The following RAP1GAP2 variants were observed in gnomAD, a reference collection of about 807,000 sequenced individuals.
RAP1GAP2 encodes the protein RAP1 GTPase activating protein 2, also known as rap1 GTPase-activating protein 2.
A neutral mutation model predicts 95.0 loss-of-function variants in RAP1GAP2; 27 were observed. That is an observed-to-expected ratio of 0.28 (90% CI 0.21 to 0.39). The LOEUF (loss-of-function observed/expected upper bound fraction) is 0.39. RAP1GAP2 is among the 10% of genes least tolerant of loss of function. The pLI, the probability that RAP1GAP2 is intolerant of heterozygous loss-of-function variation, is 1.00. For synonymous variants in RAP1GAP2, 373 were observed against 380.9 expected, an observed-to-expected ratio of 0.98 and a Z score of 0.24; for missense variants, 771 against 970.0, an observed-to-expected ratio of 0.79 and a Z score of 2.72.
intron 18 of RAP1GAP2, among the ~76,000 whole-genome samples, chr17:3,018,472 ACCTCCT>A (rs1302779459): frequency 6.6e-6 from 1 of 151,370 alleles, no homozygotes; most frequent in Admixed American, 6.6e-5. Flanking sequence ...TGACAGCTAG[ACCTCCT>A]CCTCGGGGCC....
chr17:2,831,146 C>G (rs1233513068), intron 2 of RAP1GAP2, among the ~76,000 whole-genome samples: 1 of 129,068 alleles, frequency 7.7e-6, no homozygotes, highest in African/African-American at 3.0e-5. Context: ...GGTGTGATCT[C>G]GGCTCACTGC....
chr17:2,923,613 C>T (rs1452620272), intron 3 of RAP1GAP2, among the ~76,000 whole-genome samples: 3 of 152,070 alleles, frequency 2.0e-5, no homozygotes, highest in Non-Finnish European at 4.4e-5. Flanking sequence ...GGATTACAGG[C>T]CTGAGCCAAT....
intron 2 of RAP1GAP2, among the ~76,000 whole-genome samples, chr17:2,889,889 A>ATATATTTTTTTTTT (rs1408426152): frequency 5.1e-4 from 29 of 57,292 alleles, no homozygotes; most frequent in Non-Finnish European, 7.4e-4. Flanking sequence ...ATATATATAT[A>ATATATTTTTTTTTT]TTTTTTTTTT....
intron 3 of RAP1GAP2, among the ~76,000 whole-genome samples, chr17:2,929,240 A>C (rs547953888): frequency 6.6e-6 from 1 of 152,228 alleles, no homozygotes; most frequent in South Asian, 2.1e-4. Context: ...CTCAAGAAAA[A>C]AATAAAAGGC....
intron 1 of RAP1GAP2, among the ~76,000 whole-genome samples, chr17:2,763,021 C>G (rs2068212529): frequency 6.6e-6 from 1 of 152,068 alleles, no homozygotes; most frequent in African/African-American, 2.4e-5. Flanking sequence ...AAAGGTTGGC[C>G]CTCTGTAGCA....
At chr17:2,956,001 G>A (rs1238557838) in intron 3 of RAP1GAP2, among the ~76,000 whole-genome samples, 4 of 152,208 alleles carry the variant, frequency 2.6e-5, no homozygotes, top group South Asian at 4.1e-4. Context: ...GTGGAATCGC[G>A]TGTCAGAGGT....
At chr17:2,841,560 C>G (rs1037329606) in intron 2 of RAP1GAP2, among the ~76,000 whole-genome samples, 114 of 152,000 alleles carry the variant, frequency 7.5e-4, no homozygotes, top group African/African-American at 2.6e-3. Flanking sequence ...CCTGCCTCGG[C>G]CTCGGAAAGT....
At chr17:2,989,141 T>C (rs975536882) in intron 11 of RAP1GAP2, among the ~76,000 whole-genome samples, 2 of 152,024 alleles carry the variant, frequency 1.3e-5, no homozygotes, top group African/African-American at 4.8e-5. Context: ...TCACCAGCAG[T>C]GTATGAGTGA....
At chr17:2,772,880 C>T (rs1390156048), upstream of RAP1GAP2, among the ~76,000 whole-genome samples, 13 of 88,184 alleles carry the variant, frequency 1.5e-4, no homozygotes, top group East Asian at 4.8e-4. Flanking sequence ...TTTTTTGAGA[C>T]GGAGTTTTGC....
intron 2 of RAP1GAP2, among the ~76,000 whole-genome samples, chr17:2,869,068 C>T (rs1329037462): frequency 6.6e-6 from 1 of 152,142 alleles, no homozygotes; most frequent in African/African-American, 2.4e-5. Flanking sequence ...TTTTCCAAGG[C>T]ACTGATTCCA....
At chr17:2,832,470 A>G (rs1234933228) in intron 2 of RAP1GAP2, among the ~76,000 whole-genome samples, 1 of 148,730 alleles carries the variant, frequency 6.7e-6, no homozygotes, top group Non-Finnish European at 1.5e-5. Context: ...AGGCAGGAGA[A>G]TGGCGTGAAC....
At chr17:2,808,051 A>C (rs1463249681) in intron 2 of RAP1GAP2, among the ~76,000 whole-genome samples, 1 of 152,064 alleles carries the variant, frequency 6.6e-6, no homozygotes, top group Admixed American at 6.6e-5. Flanking sequence ...CCAACCTGTG[A>C]GATGGAGGCC....
intron 19 of RAP1GAP2, among the ~76,000 whole-genome samples, chr17:3,024,727 C>T (rs9905557): frequency 0.013 from 1,997 of 152,282 alleles, 49 homozygotes; most frequent in African/African-American, 0.045. Context: ...AATATTATTG[C>T]AGTAAAAAGG....
chr17:2,917,976 G>GT (rs2042624525), intron 3 of RAP1GAP2, among the ~76,000 whole-genome samples: 1 of 152,006 alleles, frequency 6.6e-6, no homozygotes, highest in African/African-American at 2.4e-5. Context: ...TCGGCCTCCG[G>GT]AAGTGCTGGG....
intron 19 of RAP1GAP2, among the ~76,000 whole-genome samples, chr17:3,025,405 C>T (rs569041919): frequency 6.6e-6 from 1 of 152,308 alleles, no homozygotes; most frequent in South Asian, 2.1e-4. Context: ...ACACGGCCAT[C>T]CCATCCCCAA....
At chr17:2,810,776 G>A (rs11650954) in intron 2 of RAP1GAP2, among the ~76,000 whole-genome samples, 3,476 of 152,012 alleles carry the variant, frequency 0.023, 104 homozygotes, top group African/African-American at 0.069. Flanking sequence ...TGATCCGCCC[G>A]CCTCAGCCTC....
intron 8 of RAP1GAP2, among the ~76,000 whole-genome samples, chr17:2,967,937 C>A (rs1405111519): frequency 6.6e-6 from 1 of 152,126 alleles, no homozygotes; most frequent in Non-Finnish European, 1.5e-5. Flanking sequence ...GAAGAATCTA[C>A]CCACAGTTTG....
intron 12 of RAP1GAP2, among the ~76,000 whole-genome samples, chr17:2,994,214 C>T (rs772814670): frequency 7.2e-5 from 11 of 152,058 alleles, no homozygotes; most frequent in South Asian, 2.1e-4. Flanking sequence ...GTCTAGAACC[C>T]GGAGCTCCTG....
In RAP1GAP2 at chr17:2,905,268, T is replaced by C; in HGVS notation, c.81-16T>C. The C allele has an allele frequency of 1.9e-6, 3 of 1,613,048 alleles. No homozygotes were observed. Among genetic ancestry groups the C allele is most frequent in the Non-Finnish European group, 2.5e-6 (3 of 1,179,294 alleles). The stretch of plus-strand genomic sequence containing the variant: ...CGCAGGCAGGTCCTCACTCACCTCT[T>C]TTGGCCTCTTCACAGGAAGCAGGAG... On this transcript the variant is annotated splice_polypyrimidine_tract_variant and intron_variant, in intron 2 of 24. Coordinates refer to ENST00000254695, the MANE Select transcript of RAP1GAP2 (RefSeq NM_015085.5).
Sources: allele counts gnomAD v4.1 joint callset (sites outside exome capture counted in the v4.1 genomes callset), GRCh38; gene constraint gnomAD v4.1.1; transcripts MANE v1.5; gene names NCBI Gene and HGNC (gene_info 2026-07-23, HGNC 2026-07-21).